The following CSMD3 variants were observed in gnomAD, a reference collection of about 807,000 sequenced individuals.
CSMD3 encodes the protein CUB and sushi domain-containing protein 3.
Under a neutral mutation model 435.2 loss-of-function variants are expected in CSMD3, and 177 were observed. That is an observed-to-expected ratio of 0.41 (90% confidence interval 0.36 to 0.46). The LOEUF (loss-of-function observed/expected upper bound fraction) is 0.46. Ranked by LOEUF, CSMD3 falls within the 20% of genes least tolerant of loss-of-function variation. The probability of loss-of-function intolerance (pLI) is 0.34; values close to 1 mark genes in which losing one functional copy is unlikely to be tolerated. For synonymous variants in CSMD3, 1,656 were observed against 1,520.5 expected, an observed-to-expected ratio of 1.09 and a Z score of -2.07; for missense variants, 4,265 against 4,504.6, an observed-to-expected ratio of 0.95 and a Z score of 1.52.
At chr8:113,017,301 T>C (rs1448143407) in intron 6 of CSMD3, among the ~76,000 whole-genome samples, 1 of 151,998 alleles carries the variant, frequency 6.6e-6, no homozygotes, top group East Asian at 1.9e-4. Context: ...ATGCTGAAAT[T>C]TATAAGTAAG....
intron 5 of CSMD3, among the ~76,000 whole-genome samples, chr8:113,091,396 T>G (rs920426098): frequency 3.9e-5 from 6 of 152,100 alleles, no homozygotes; most frequent in African/African-American, 1.4e-4. Context: ...AGCCATTGAC[T>G]CCCAGGCTTT....
intron 1 of CSMD3, among the ~76,000 whole-genome samples, chr8:113,355,749 T>TATATATATATATATATATACAC (rs1357514892): frequency 1.2e-5 from 1 of 81,320 alleles, no homozygotes; most frequent in African/African-American, 5.6e-5. Flanking sequence ...TATATATATA[T>TATATATATATATATATATACAC]ACACACACAC....
At chr8:112,950,333 T>C (rs1392813058) in intron 8 of CSMD3, among the ~76,000 whole-genome samples, 3 of 151,926 alleles carry the variant, frequency 2.0e-5, no homozygotes, top group African/African-American at 7.2e-5. Flanking sequence ...AATGTGACTT[T>C]TTAAAATGTG....
At chr8:112,931,057 G>T (rs562001534) in intron 9 of CSMD3, among the ~76,000 whole-genome samples, 2 of 151,868 alleles carry the variant, frequency 1.3e-5, no homozygotes, top group Admixed American at 1.3e-4. Context: ...AATAAATTAG[G>T]TTACCTTTAG....
chr8:113,419,863 A>G (rs1041988142), intron 1 of CSMD3, among the ~76,000 whole-genome samples: 1 of 152,126 alleles, frequency 6.6e-6, no homozygotes, highest in Non-Finnish European at 1.5e-5. Flanking sequence ...TAACTCATTC[A>G]ATCACACTAA....
At chr8:112,851,825 T>A (rs946931805) in intron 11 of CSMD3, among the ~76,000 whole-genome samples, 1 of 151,956 alleles carries the variant, frequency 6.6e-6, no homozygotes, top group South Asian at 2.1e-4. Flanking sequence ...TAGTAGCTAC[T>A]CAATACATAC....
intron 13 of CSMD3, among the ~76,000 whole-genome samples, chr8:112,798,685 G>T (rs745758937): frequency 1.3e-4 from 20 of 151,834 alleles, no homozygotes; most frequent in Admixed American, 2.0e-4. Flanking sequence ...ACTCCCTGTT[G>T]CTCCAACCTA....
At chr8:113,004,337 T>C (rs1487634914) in intron 6 of CSMD3, among the ~76,000 whole-genome samples, 1 of 152,050 alleles carries the variant, frequency 6.6e-6, no homozygotes, top group East Asian at 1.9e-4. Context: ...AAATGTAGCA[T>C]GAAAATACAT....
intron 9 of CSMD3, among the ~76,000 whole-genome samples, chr8:112,943,700 G>C (rs942755000): frequency 6.6e-6 from 1 of 151,416 alleles, no homozygotes; most frequent in Non-Finnish European, 1.5e-5. Context: ...TCTTATATGA[G>C]AATAATTTTT....
intron 27 of CSMD3, among the ~76,000 whole-genome samples, chr8:112,542,263 T>C (rs535526446): frequency 6.7e-6 from 1 of 150,258 alleles, no homozygotes; most frequent in Non-Finnish European, 1.5e-5. Context: ...CCAAGGATGT[T>C]CACTTCCCAC....
intron 6 of CSMD3, among the ~76,000 whole-genome samples, chr8:113,016,755 G>A (rs2086474423): frequency 6.6e-6 from 1 of 151,840 alleles, no homozygotes; most frequent in Non-Finnish European, 1.5e-5. Context: ...AAATGAAATA[G>A]TAGCATGGAA....
intron 13 of CSMD3, among the ~76,000 whole-genome samples, chr8:112,787,152 G>C (rs2078565608): frequency 6.6e-6 from 1 of 152,112 alleles, no homozygotes; most frequent in Non-Finnish European, 1.5e-5. Context: ...ATTTGGGTTG[G>C]TTCCAAGTCT....
chr8:113,115,718 G>A (rs908189791), intron 4 of CSMD3, among the ~76,000 whole-genome samples: 6 of 152,140 alleles, frequency 3.9e-5, no homozygotes. Flanking sequence ...TTGAGATATG[G>A]TTATTATGTC....
intron 1 of CSMD3, among the ~76,000 whole-genome samples, chr8:113,319,559 T>G (rs1437491921): frequency 2.0e-5 from 3 of 152,084 alleles, no homozygotes; most frequent in Non-Finnish European, 4.4e-5. Context: ...GGTTTTTAGT[T>G]TAATGCTGTT....
At chr8:112,836,149 G>T (rs2080017536) in intron 11 of CSMD3, among the ~76,000 whole-genome samples, 1 of 151,828 alleles carries the variant, frequency 6.6e-6, no homozygotes, top group Non-Finnish European at 1.5e-5. Flanking sequence ...ATCTTTGTAT[G>T]CAGTAAATGG....
At chr8:113,359,633 A>C (rs1208335642) in intron 1 of CSMD3, among the ~76,000 whole-genome samples, 1 of 152,216 alleles carries the variant, frequency 6.6e-6, no homozygotes, top group Non-Finnish European at 1.5e-5. Context: ...ATAAAAGAAA[A>C]GAGTTTGTCT....
intron 4 of CSMD3, among the ~76,000 whole-genome samples, chr8:113,128,490 A>G (rs1588124271): frequency 6.6e-6 from 1 of 152,178 alleles, no homozygotes; most frequent in East Asian, 1.9e-4. Flanking sequence ...TGCAATGCTT[A>G]TGTCAAAACA....
chr8:112,247,614 G>A (rs1218836495), intron 63 of CSMD3, among the ~76,000 whole-genome samples: 2 of 152,090 alleles, frequency 1.3e-5, no homozygotes, highest in Non-Finnish European at 2.9e-5. Flanking sequence ...TGGTGATAAC[G>A]GAAATATACA....
intron 16 of CSMD3, among the ~76,000 whole-genome samples, chr8:112,668,814 T>C (rs2075587546): frequency 1.3e-5 from 2 of 151,254 alleles, no homozygotes. Flanking sequence ...AGTCTCATCA[T>C]TAAAGTGACT....
Sources: allele counts gnomAD v4.1 joint callset (sites outside exome capture counted in the v4.1 genomes callset), GRCh38; gene constraint gnomAD v4.1.1; transcripts MANE v1.5; gene names NCBI Gene and HGNC (gene_info 2026-07-23, HGNC 2026-07-21).